SPTBN1: variants seen among roughly 807,000 people sequenced by gnomAD.
SPTBN1 encodes the protein spectrin beta, non-erythrocytic 1, also known as spectrin beta chain, non-erythrocytic 1.
Under a neutral mutation model 266.4 loss-of-function variants are expected in SPTBN1, and 32 were observed. That is an observed-to-expected ratio of 0.12 (90% confidence interval 0.09 to 0.16). The LOEUF is 0.16. Ranked by LOEUF, SPTBN1 falls within the 10% of genes least tolerant of loss-of-function variation. The pLI is 1.00. For missense variants in SPTBN1, 2,296 were observed against 3,067.1 expected (o/e 0.75, Z 5.94); for synonymous variants, 1,336 against 1,162.2 (o/e 1.15, Z -3.04).
chr2:54,660,255 C>A (rs1163653009), intron 32 of SPTBN1: 17 of 1,350,682 alleles, frequency 1.3e-5, no homozygotes, highest in Non-Finnish European at 1.6e-5. Context: ...GATGGATGCC[C>A]ACTTGCCTTA....
In SPTBN1 at chr2:54,601,965, C is replaced by A. The variant is rs62134703; in HGVS notation, c.300+2722C>A. 2.6e-3 allele frequency among the ~76,000 whole-genome samples: 390 copies of A among 152,208 alleles called. 1 individual carries two copies. Among genetic ancestry groups the A allele is most frequent in the Non-Finnish European group, 4.3e-3 (294 of 68,016 alleles). On this transcript the variant is annotated intron_variant, in intron 3 of 35. Transcript: ENST00000356805. The stretch of plus-strand genomic sequence containing the variant: ...CATTTGGGAACTTGATTTTGAACTA[C>A]TCAGCAACATCACAAGGCAGAGATC...
intron 19 of SPTBN1, 48 bp downstream of exon 19, chr2:54,643,177 A>G: frequency 6.2e-7 from 1 of 1,608,342 alleles, no homozygotes; most frequent in African/African-American, 1.3e-5. Context: ...CAAACAGGGT[A>G]GTAATAAACT....
intron 29 of SPTBN1, among the ~76,000 whole-genome samples, chr2:54,656,961 CT>C: frequency 6.6e-6 from 1 of 152,344 alleles, no homozygotes; most frequent in Middle Eastern, 3.4e-3. Context: ...GTGGCATCTT[CT>C]TCATGTAGTC....
chr2:54,627,906 C>T (rs933743263), intron 12 of SPTBN1, among the ~76,000 whole-genome samples, 191 bp from the exon 13 acceptor site: 1 of 151,844 alleles, frequency 6.6e-6, no homozygotes, highest in Non-Finnish European at 1.5e-5. Context: ...GCTCTCCTGA[C>T]TCAGGCCTTC....
At position 54,626,373 on chromosome 2, in the gene SPTBN1, C is replaced by T. The variant is rs756651129; in HGVS notation, c.1644+139C>T. The stretch of plus-strand genomic sequence containing the variant: ...ATGTACAGCTAGAGAGGAGCCACAT[C>T]ACCCATGGGAAGATTGCTAGCTCAG... On this transcript the variant is annotated intron_variant, in intron 12 of 35. Transcript: ENST00000356805. The surrounding 1 kb of genome is among the most constrained non-coding windows in gnomAD (Gnocchi z 4.7). 3.7e-4 allele frequency: 409 copies of T among 1,111,186 alleles called. 1 individual carries two copies. The highest frequency in any genetic ancestry group is 4.8e-4 in the Non-Finnish European group (380 of 791,610). The allele number at this position is 1,111,186 out of a possible 1,614,324, so 68.8% of individuals were successfully genotyped here.
At chr2:54,574,056 G>A (rs1371607017) in intron 2 of SPTBN1, among the ~76,000 whole-genome samples, 1 of 152,146 alleles carries the variant, frequency 6.6e-6, no homozygotes, top group Non-Finnish European at 1.5e-5. Context: ...GGACACAAAT[G>A]TTGGGGTTGT....
intron 2 of SPTBN1, among the ~76,000 whole-genome samples, chr2:54,562,926 G>A (rs1056042338): frequency 1.3e-5 from 2 of 151,902 alleles, no homozygotes; most frequent in African/African-American, 4.8e-5. Flanking sequence ...CTTCTTTCTT[G>A]TCAGGGTTAC....
At chr2:54,458,454 T>C (rs1693186952) in intron 1 of SPTBN1, among the ~76,000 whole-genome samples, 1 of 152,200 alleles carries the variant, frequency 6.6e-6, no homozygotes, top group African/African-American at 2.4e-5. Context: ...GGTATTCAGA[T>C]TTCTATTGAT....
chr2:54,526,068 T>C (rs1032127127), intron 1 of SPTBN1, among the ~76,000 whole-genome samples: 1 of 152,240 alleles, frequency 6.6e-6, no homozygotes, highest in Non-Finnish European at 1.5e-5. Context: ...GTTTAAACTT[T>C]AGAAAGAAGG....
intron 2 of SPTBN1, among the ~76,000 whole-genome samples, chr2:54,560,739 G>A (rs1673243284): frequency 6.6e-6 from 1 of 152,180 alleles, no homozygotes; most frequent in Non-Finnish European, 1.5e-5. Context: ...TGGTTTAGGA[G>A]TTGCACAAGT....
chr2:54,558,764 G>A lies in SPTBN1; in HGVS notation c.148+32198G>A, dbSNP rs373181386. On this transcript the variant is annotated intron_variant, in intron 2 of 35. Coordinates refer to ENST00000356805, the MANE Select transcript of SPTBN1 (RefSeq NM_003128.3). This position sits in a 1 kb window ranked among gnomAD's most constrained non-coding sequence, Gnocchi z 4.6. ...TTTCCAGGGCGCAGTCCTCCGGGGC[G>A]TTACGCCGGGCATAATGGAATTGCA... is the stretch of plus-strand genomic sequence containing the variant. The A allele has an allele frequency of 1.9e-6, 3 of 1,609,840 alleles. No homozygotes were observed. Among genetic ancestry groups the A allele is most frequent in the African/African-American group, 2.7e-5 (2 of 74,796 alleles).
intron 2 of SPTBN1, among the ~76,000 whole-genome samples, chr2:54,562,460 A>G (rs1427893718): frequency 2.0e-5 from 3 of 151,414 alleles, no homozygotes. Context: ...TTTCACGCTT[A>G]TCTTCTACAT....
Position 54,632,599 on chromosome 2 carries a change from A to T in SPTBN1, c.3598A>T (p.Thr1200Ser), listed in dbSNP as rs1373936498. ...YVLAHTEMPT[T>S]LEGAEAAIKK... ...TCTGGCTCACACTGAAATGCCTACC[A>T]CCTTGGAAGGAGCTGAAGCAGCAAT... Residue 1200 changes from threonine (T) to serine (S), a missense_variant, in exon 17 of 36, where the codon ACC (threonine) becomes TCC (serine). By Grantham distance (58) the Thr-to-Ser change is moderately conservative (BLOSUM62 1). This residue lies in a region of SPTBN1 where 386 missense variants were observed against 486.1 expected (regional missense o/e 0.79). Transcript: ENST00000356805. 2 of 1,614,114 alleles carry T rather than the reference A, an allele frequency of 1.2e-6. No individual in the cohort carries two copies. The highest frequency in any genetic ancestry group is 1.7e-6 in the Non-Finnish European group (2 of 1,180,048).
At chr2:54,456,919 AG>A (rs1693066128) in intron 1 of SPTBN1, among the ~76,000 whole-genome samples, 1 of 146,042 alleles carries the variant, frequency 6.8e-6, no homozygotes, top group East Asian at 2.0e-4. Flanking sequence ...CCTGGCGCGG[AG>A]GTGGGTGCGG....
intron 2 of SPTBN1, among the ~76,000 whole-genome samples, chr2:54,571,758 G>T (rs1289019391): frequency 6.6e-6 from 1 of 152,148 alleles, no homozygotes. Context: ...AATGTTTCAT[G>T]AATAAAGGGA....
rs773572201 is a variant in SPTBN1 at position 54,591,218 on chromosome 2, C to T, written c.149-7874C>T. Among the ~76,000 whole-genome samples, 14 of 152,250 alleles carry T rather than the reference C, an allele frequency of 9.2e-5. No homozygotes were observed. In the Middle Eastern group the frequency reaches 0.01, roughly 111 times the overall value. ...AAGTATGCACTTTGTAATATTGGAG[C>T]TCACTAATACTCTCAATTTCAGATT... On this transcript the variant is annotated intron_variant, in intron 2 of 35. Coordinates refer to ENST00000356805, the MANE Select transcript of SPTBN1 (RefSeq NM_003128.3).
At position 54,649,136 on chromosome 2, in the gene SPTBN1, G is replaced by A; in HGVS notation, c.5148G>A (p.Glu1716=). 6.2e-7 allele frequency: 1 copy of A among 1,612,732 alleles called. No individual in the cohort carries two copies. Among genetic ancestry groups the A allele is most frequent in the Non-Finnish European group, 8.5e-7 (1 of 1,178,996 alleles). The change falls in exon 25 of 36, where the codon GAG becomes GAA. Residue 1716 remains glutamate (E), a synonymous_variant. Coordinates refer to ENST00000356805, the MANE Select transcript of SPTBN1 (RefSeq NM_003128.3). The surrounding 1 kb of genome is among the most constrained non-coding windows in gnomAD (Gnocchi z 6.7). ...ACGACCTGGAGCAGTGGATCGCTGAGAGGGAGGTGGTCGCAGGGTCCCATG... is the reference window on the plus strand; with the variant it reads ...ACGACCTGGAGCAGTGGATCGCTGAAAGGGAGGTGGTCGCAGGGTCCCATG... The part of the protein sequence containing the change: ...EVDDLEQWIA[E]REVVAGSHEL...
intron 2 of SPTBN1, among the ~76,000 whole-genome samples, chr2:54,542,696 C>T (rs1379488296): frequency 6.6e-6 from 1 of 152,080 alleles, no homozygotes; most frequent in Non-Finnish European, 1.5e-5. Context: ...AGAAACAAGG[C>T]CCTGAAGCTG....
At chr2:54,516,552 A>G (rs573215936) in intron 1 of SPTBN1, among the ~76,000 whole-genome samples, 1 of 152,358 alleles carries the variant, frequency 6.6e-6, no homozygotes, top group South Asian at 2.1e-4. Flanking sequence ...GATTGAAAAT[A>G]CAAAATAAAT....
Sources: gnomAD v4.1 joint callset for allele counts (sites outside exome capture counted in the v4.1 genomes callset) on GRCh38, gnomAD v4.1.1 for gene constraint, gnomAD v4.1.1 regional missense constraint, Gnocchi (gnomAD v3.1) non-coding constraint, MANE v1.5 for transcripts, NCBI Gene and HGNC (gene_info 2026-07-23, HGNC 2026-07-21) for gene names.